Variants in NTN4 observed in about 807,000 individuals in gnomAD.
NTN4 encodes the protein netrin 4.
A neutral mutation model predicts 73.6 loss-of-function variants in NTN4; 32 were observed. The ratio of observed to expected loss-of-function variants is 0.44; its 90% confidence interval spans 0.33 to 0.58. The LOEUF (loss-of-function observed/expected upper bound fraction) is 0.58. Among genes scored for constraint, NTN4 ranks in the 20% least tolerant of loss-of-function variants. The probability of loss-of-function intolerance (pLI) is 0.04; values close to 1 mark genes in which losing one functional copy is unlikely to be tolerated. For missense variants in NTN4, 654 were observed against 798.3 expected (o/e 0.82, Z 2.18); for synonymous variants, 258 against 287.5 (o/e 0.90, Z 1.04).
rs1254504121 is a variant in NTN4, at chr12:95,678,346, AAGT to A, written c.1510+4358_1510+4360del. On this transcript the variant is annotated intron_variant, in intron 7 of 9. Transcript: ENST00000343702. ...CTCTGCACATGTATCCTAGAACTTA[AAGT>A]AAAAAAAAAAAAAAAAAAAGAATAG... Among the ~76,000 whole-genome samples, 336 of 118,990 alleles carry A rather than the reference AAGT, an allele frequency of 2.8e-3. 2 individuals are homozygous for A. The highest frequency in any genetic ancestry group is 9.8e-3 in the African/African-American group (323 of 32,820). The allele number at this position is 118,990 out of a possible 152,430, so 78.1% of individuals were successfully genotyped here.
intron 7 of NTN4, among the ~76,000 whole-genome samples, chr12:95,675,923 C>T (rs2078269920): frequency 6.6e-6 from 1 of 152,158 alleles, no homozygotes; most frequent in Non-Finnish European, 1.5e-5. Context: ...AACTATTATT[C>T]ATGGCCACTT....
intron 2 of NTN4, among the ~76,000 whole-genome samples, chr12:95,774,503 G>T (rs142134652): frequency 6.6e-6 from 1 of 152,176 alleles, no homozygotes; most frequent in Non-Finnish European, 1.5e-5. Flanking sequence ...AACAGATTTC[G>T]CCAGTTGAAG....
chr12:95,698,418 T>C (rs1450021937), intron 5 of NTN4, among the ~76,000 whole-genome samples: 1 of 152,252 alleles, frequency 6.6e-6, no homozygotes, highest in East Asian at 1.9e-4. Flanking sequence ...CATGTCCTCA[T>C]CAAAAGTAGA....
intron 3 of NTN4, among the ~76,000 whole-genome samples, chr12:95,720,648 G>C (rs1297443497): frequency 6.6e-6 from 1 of 152,134 alleles, no homozygotes; most frequent in African/African-American, 2.4e-5. Context: ...TGCATTTGAA[G>C]TGGGAACGAG....
rs557402609 is a variant in NTN4, at chr12:95,697,361, C to T, written c.1180+13080G>A. ...ATTATTTTTTGCCACACCTCTACTT[C>T]CCCCTTACACCTTTTGAGTATTTAT... On this transcript the variant is annotated intron_variant, in intron 5 of 9. Coordinates refer to ENST00000343702, the MANE Select transcript of NTN4 (RefSeq NM_021229.4). Among the ~76,000 whole-genome samples the T allele has an allele frequency of 2.7e-4, 41 of 152,282 alleles. 1 individual carries two copies. The highest frequency in any genetic ancestry group is 3.4e-3 in the Middle Eastern group (1 of 294).
At chr12:95,728,271 C>T (rs2078710304) in intron 3 of NTN4, among the ~76,000 whole-genome samples, 1 of 152,072 alleles carries the variant, frequency 6.6e-6, no homozygotes. Context: ...AATCTGAATG[C>T]TCTTTACTTA....
chr12:95,726,572 A>G (rs78477125), intron 3 of NTN4, among the ~76,000 whole-genome samples: 1,942 of 152,292 alleles, frequency 0.013, 26 homozygotes, highest in Non-Finnish European at 0.022. Context: ...GCTTCTATGA[A>G]CATTCATGTA....
chr12:95,719,251 T>C (rs916839912), intron 3 of NTN4, among the ~76,000 whole-genome samples: 2 of 152,176 alleles, frequency 1.3e-5, no homozygotes, highest in African/African-American at 4.8e-5. Flanking sequence ...TTCAATTTGT[T>C]ACCATGCAAA....
intron 3 of NTN4, among the ~76,000 whole-genome samples, chr12:95,729,832 T>C (rs185016334): frequency 2.0e-5 from 3 of 152,280 alleles, no homozygotes; most frequent in African/African-American, 7.2e-5. Context: ...TGAAATACCA[T>C]GGAGACACGA....
At position 95,787,500 on chromosome 12, in the gene NTN4, C is replaced by T. The variant is rs780206770; in HGVS notation, c.56-32G>A. The T allele has an allele frequency of 4.4e-6, 7 of 1,598,588 alleles. No individual in the cohort carries two copies. In the Admixed American group the frequency reaches 5.1e-5, roughly 12 times the overall value. On this transcript the variant is annotated intron_variant, in intron 1 of 9. Coordinates refer to ENST00000343702, the MANE Select transcript of NTN4 (RefSeq NM_021229.4). ...AAGGGAAAGCATGCATGATGCAAGA[C>T]AAACCCATCTGGAAAGCTCTTTTGG...
intron 5 of NTN4, among the ~76,000 whole-genome samples, chr12:95,686,169 G>A (rs556605614): frequency 5.9e-5 from 9 of 152,306 alleles, no homozygotes; most frequent in African/African-American, 1.9e-4. Flanking sequence ...GGGATTACAG[G>A]TGCCAGCCAC....
chr12:95,712,048 C>G (rs2078568188), intron 4 of NTN4, among the ~76,000 whole-genome samples: 1 of 152,146 alleles, frequency 6.6e-6, no homozygotes, highest in South Asian at 2.1e-4. Flanking sequence ...AGTTATGACT[C>G]CAAATTACGT....
chr12:95,758,705 C>A (rs1032627717), intron 2 of NTN4, among the ~76,000 whole-genome samples: 2 of 152,124 alleles, frequency 1.3e-5, no homozygotes, highest in African/African-American at 4.8e-5. Context: ...ACTGAGACTA[C>A]AGGCAAGCAC....
At chr12:95,786,155 T>A (rs1381180032) in intron 2 of NTN4, among the ~76,000 whole-genome samples, 1 of 152,212 alleles carries the variant, frequency 6.6e-6, no homozygotes, top group Non-Finnish European at 1.5e-5. Context: ...TTTTCCTGAA[T>A]CAGTATTTCT....
intron 2 of NTN4, among the ~76,000 whole-genome samples, chr12:95,743,184 T>C (rs2078838501): frequency 6.6e-6 from 1 of 152,232 alleles, no homozygotes; most frequent in African/African-American, 2.4e-5. Flanking sequence ...TTCAGGAACA[T>C]AACTGCATTT....
At chr12:95,751,892 T>G (rs1053792272) in intron 2 of NTN4, among the ~76,000 whole-genome samples, 3 of 128,276 alleles carry the variant, frequency 2.3e-5, no homozygotes, top group Non-Finnish European at 5.0e-5. Flanking sequence ...AATACCCTTT[T>G]AAGCACTCCT....
intron 2 of NTN4, among the ~76,000 whole-genome samples, chr12:95,746,591 A>G (rs990391865): frequency 6.6e-5 from 10 of 152,138 alleles, no homozygotes; most frequent in Non-Finnish European, 1.5e-4. Flanking sequence ...TTTCTTGCAT[A>G]TGTGTTGAAC....
chr12:95,772,126 C>CCT (rs1273699153), intron 2 of NTN4, among the ~76,000 whole-genome samples: 2 of 152,074 alleles, frequency 1.3e-5, no homozygotes, highest in African/African-American at 2.4e-5. Flanking sequence ...GCAGCTTCAG[C>CCT]CTCTCTAGGC....
intron 5 of NTN4, among the ~76,000 whole-genome samples, chr12:95,701,419 T>G (rs2431008): frequency 6.7e-6 from 1 of 149,876 alleles, no homozygotes; most frequent in Non-Finnish European, 1.5e-5. Context: ...CTTTCAAAAA[T>G]TTTTTTTTCC....
Sources: allele counts gnomAD v4.1 joint callset (sites outside exome capture counted in the v4.1 genomes callset), GRCh38; gene constraint gnomAD v4.1.1; transcripts MANE v1.5; gene names NCBI Gene and HGNC (gene_info 2026-07-23, HGNC 2026-07-21).